HTR1F: variants seen among roughly 807,000 people sequenced by gnomAD.
HTR1F encodes the protein 5-hydroxytryptamine receptor 1F, also known as 5-hydroxytryptamine (serotonin) receptor 1F, G protein-coupled.
Under a neutral mutation model 24.0 loss-of-function variants are expected in HTR1F, and 17 were observed. That is an observed-to-expected ratio of 0.71 (90% confidence interval 0.48 to 1.06). The LOEUF is 1.06. Ranked by LOEUF, HTR1F falls within the 50% of genes least tolerant of loss-of-function variation. The pLI, the probability that HTR1F is intolerant of heterozygous loss-of-function variation, is 0.00. For synonymous variants in HTR1F, 186 were observed against 156.8 expected (o/e 1.19, Z -1.39); for missense variants, 391 against 427.8 (o/e 0.91, Z 0.76).
chr3:87,973,461 A>C (rs1418856192), intron 2 of HTR1F, among the ~76,000 whole-genome samples: 6 of 152,212 alleles, frequency 3.9e-5, no homozygotes, highest in African/African-American at 1.2e-4. Context: ...AGCCTAGCTT[A>C]AATTTAAAAC....
chr3:87,914,852 T>C (rs760825318), intron 2 of HTR1F, among the ~76,000 whole-genome samples: 11 of 152,048 alleles, frequency 7.2e-5, no homozygotes, highest in Non-Finnish European at 1.3e-4. Context: ...GCTGATGCTC[T>C]CTGGAAAGCA....
Position 87,851,304 on chromosome 3 carries a change from G to A in HTR1F, c.-43+29180G>A, listed in dbSNP as rs553755300. 3.3e-4 allele frequency among the ~76,000 whole-genome samples: 50 copies of A among 151,520 alleles called. 1 individual carries two copies. Among genetic ancestry groups the A allele is most frequent in the African/African-American group, 1.2e-3 (49 of 41,192 alleles). On this transcript the variant is annotated intron_variant, in intron 2 of 2. Transcript: ENST00000319595. Reference sequence around the variant, plus strand: ...CTGTATAACTATTCAAATTGTTTATGTATATATTATTTGCACAGACTTTGC... The same window carrying A: ...CTGTATAACTATTCAAATTGTTTATATATATATTATTTGCACAGACTTTGC...
At chr3:87,970,872 A>C (rs1705271773) in intron 2 of HTR1F, among the ~76,000 whole-genome samples, 1 of 152,216 alleles carries the variant, frequency 6.6e-6, no homozygotes, top group South Asian at 2.1e-4. Flanking sequence ...GCTACTGAGC[A>C]TTTCCAAAGA....
At chr3:87,864,217 T>G (rs542216626) in intron 2 of HTR1F, among the ~76,000 whole-genome samples, 35 of 152,310 alleles carry the variant, frequency 2.3e-4, no homozygotes, top group African/African-American at 8.2e-4. Flanking sequence ...ATTTAACATA[T>G]TCACAGTTTC....
intron 2 of HTR1F, among the ~76,000 whole-genome samples, chr3:87,962,982 A>ATTC (rs1705093625): frequency 6.6e-6 from 1 of 152,008 alleles, no homozygotes; most frequent in Non-Finnish European, 1.5e-5. Flanking sequence ...TTCTTGATAA[A>ATTC]TTCTTAATAG....
Position 87,993,714 on chromosome 3 carries a change from AT to A in HTR1F, c.*1869del, listed in dbSNP as rs897394704. On this transcript the variant is annotated 3_prime_UTR_variant, in exon 3 of 3. Coordinates refer to ENST00000319595, the MANE Select transcript of HTR1F (RefSeq NM_001322209.2). ...AAGGATATTAAAAGAAAAATTGGGC[AT>A]TTTTGTGGCTGACTTTGAACGTCAG... is the stretch of plus-strand genomic sequence containing the variant. 2 of 167,046 alleles carry A rather than the reference AT, an allele frequency of 1.2e-5. No individual in the cohort carries two copies. The highest frequency in any genetic ancestry group is 2.1e-4 in the South Asian group (1 of 4,826). 10.3% of individuals were successfully genotyped at this position (167,046 alleles called of 1,614,324 possible).
rs1282574645 is a variant in HTR1F at position 87,991,070 on chromosome 3, C to T, written c.321C>T (p.Cys107=). The part of the protein sequence containing the change: ...DIWLSVDITC[C]TCSILHLSAI... ...GGCTGAGTGTTGACATTACCTGCTG[C>T]ACGTGCTCCATCTTGCATCTCTCAG... Residue 107 remains cysteine, a synonymous_variant, in exon 3 of 3, where the codon TGC becomes TGT. Transcript: ENST00000319595. 1.2e-6 allele frequency: 2 copies of T among 1,613,770 alleles called. No individual in the cohort carries two copies. Among genetic ancestry groups the T allele is most frequent in the Non-Finnish European group, 1.7e-6 (2 of 1,180,028 alleles).
At chr3:87,799,787 G>A (rs753592971) in intron 1 of HTR1F, among the ~76,000 whole-genome samples, 13 of 152,122 alleles carry the variant, frequency 8.5e-5, no homozygotes, top group South Asian at 2.1e-4. Flanking sequence ...TGCATATCTA[G>A]CCCAATCCTC....
chr3:87,884,195 T>C (rs754872968), intron 2 of HTR1F, among the ~76,000 whole-genome samples: 2 of 152,190 alleles, frequency 1.3e-5, no homozygotes, highest in Non-Finnish European at 2.9e-5. Context: ...ATACTCAACA[T>C]TCTTAAAGAA....
intron 2 of HTR1F, among the ~76,000 whole-genome samples, chr3:87,945,959 ATTTTGGGT>A (rs941359581): frequency 3.3e-5 from 5 of 151,996 alleles, no homozygotes; most frequent in Admixed American, 3.3e-4. Flanking sequence ...GGGTTCTCTG[ATTTTGGGT>A]TCTTGGCCTC....
In HTR1F at chr3:87,865,379, A is replaced by G. The variant is rs145000851; in HGVS notation, c.-43+43255A>G. Among the ~76,000 whole-genome samples, 13 of 152,276 alleles carry G rather than the reference A, an allele frequency of 8.5e-5. No individual in the cohort carries two copies. The East Asian group carries it at 2.3e-3, about 27-fold the overall frequency. On this transcript the variant is annotated intron_variant, in intron 2 of 2. Transcript: ENST00000319595. ...GTGTACCACTTGATGAATTTTTCTC[A>G]AGATAAACAGACCATAGTAGCCAGC...
At chr3:87,945,973 G>A (rs1173687017) in intron 2 of HTR1F, among the ~76,000 whole-genome samples, 1 of 152,058 alleles carries the variant, frequency 6.6e-6, no homozygotes, top group Non-Finnish European at 1.5e-5. Flanking sequence ...TGGGTTCTTG[G>A]CCTCACGGAT....
intron 2 of HTR1F, among the ~76,000 whole-genome samples, chr3:87,939,218 GAAGCTGACTT>G (rs1266741832): frequency 1.3e-5 from 2 of 152,224 alleles, no homozygotes; most frequent in African/African-American, 4.8e-5. Context: ...TCATAGGGAT[GAAGCTGACTT>G]GATTGTGGTG....
At chr3:87,923,893 G>C (rs1302122940) in intron 2 of HTR1F, among the ~76,000 whole-genome samples, 2 of 151,980 alleles carry the variant, frequency 1.3e-5, no homozygotes, top group South Asian at 2.1e-4. Flanking sequence ...GATTTGGCTT[G>C]CTAGTATTTT....
intron 2 of HTR1F, among the ~76,000 whole-genome samples, chr3:87,858,343 A>G (rs1705243488): frequency 6.6e-6 from 1 of 152,180 alleles, no homozygotes; most frequent in Non-Finnish European, 1.5e-5. Flanking sequence ...AAGCTTGTCT[A>G]TATTAGGACT....
chr3:87,844,638 C>G (rs1704895188), intron 2 of HTR1F, among the ~76,000 whole-genome samples: 1 of 125,896 alleles, frequency 7.9e-6, no homozygotes, highest in Non-Finnish European at 1.6e-5. Flanking sequence ...CCTAGGTTTT[C>G]TTCTAGGGTT....
chr3:87,859,907 T>C (rs1022165977), intron 2 of HTR1F, among the ~76,000 whole-genome samples: 4 of 152,096 alleles, frequency 2.6e-5, no homozygotes, highest in Non-Finnish European at 5.9e-5. Flanking sequence ...GAGATCAAAA[T>C]CATGAATATT....
chr3:87,822,336 C>T (rs1007015056), intron 2 of HTR1F, among the ~76,000 whole-genome samples: 5 of 151,904 alleles, frequency 3.3e-5, no homozygotes, highest in Admixed American at 3.3e-4. Flanking sequence ...GGTCCAGGAG[C>T]CTATTGGAGG....
chr3:87,835,841 T>TA (rs1704671971), intron 2 of HTR1F, among the ~76,000 whole-genome samples: 1 of 152,160 alleles, frequency 6.6e-6, no homozygotes, highest in Non-Finnish European at 1.5e-5. Context: ...CCTGGGCACT[T>TA]ATCAGCTGTC....
Sources: allele counts gnomAD v4.1 joint callset (sites outside exome capture counted in the v4.1 genomes callset), GRCh38; gene constraint gnomAD v4.1.1; transcripts MANE v1.5; gene names NCBI Gene and HGNC (gene_info 2026-07-23, HGNC 2026-07-21).